Variants in SPATS2L observed in about 807,000 individuals in gnomAD.
SPATS2L encodes the protein spermatogenesis associated serine rich 2 like, also known as SPATS2-like protein.
A neutral mutation model predicts 59.6 loss-of-function variants in SPATS2L; 30 were observed. That is an observed-to-expected ratio of 0.50 (90% CI 0.38 to 0.68). SPATS2L has a LOEUF of 0.68. SPATS2L is among the 30% of genes least tolerant of loss of function. The pLI, the probability that SPATS2L is intolerant of heterozygous loss-of-function variation, is 0.00. For synonymous variants in SPATS2L, 252 were observed against 263.5 expected, an observed-to-expected ratio of 0.96 and a Z score of 0.42; for missense variants, 615 against 700.0, an observed-to-expected ratio of 0.88 and a Z score of 1.37.
chr2:200,434,147 A>T (rs573363504), intron 6 of SPATS2L, among the ~76,000 whole-genome samples: 11 of 152,136 alleles, frequency 7.2e-5, no homozygotes, highest in Admixed American at 2.0e-4. Context: ...TTTAACATTT[A>T]AAAAAATCAA....
At chr2:200,388,620 C>A (rs1004135629) in intron 2 of SPATS2L, among the ~76,000 whole-genome samples, 3 of 149,960 alleles carry the variant, frequency 2.0e-5, no homozygotes, top group Non-Finnish European at 4.4e-5. Context: ...ATGCCCCCCC[C>A]CCACCCAGAA....
intron 6 of SPATS2L, among the ~76,000 whole-genome samples, chr2:200,420,774 A>T (rs149284193): frequency 2.4e-3 from 368 of 152,270 alleles, no homozygotes; most frequent in African/African-American, 8.0e-3. Flanking sequence ...ATATTTTTTT[A>T]AAATCATGAA....
intron 1 of SPATS2L, chr2:200,309,026 G>A (rs11683753): frequency 1.4e-6 from 1 of 717,756 alleles, no homozygotes; most frequent in South Asian, 1.5e-5. Flanking sequence ...AAAATACTTA[G>A]GCCACACCGT....
intron 4 of SPATS2L, among the ~76,000 whole-genome samples, chr2:200,414,919 T>A (rs1346215210): frequency 1.3e-5 from 2 of 152,192 alleles, no homozygotes; most frequent in Admixed American, 6.5e-5. Flanking sequence ...GTGAAAGCAA[T>A]AAGCAACTCA....
At chr2:200,467,944 G>A (rs543419681) in intron 10 of SPATS2L, among the ~76,000 whole-genome samples, 9 of 152,168 alleles carry the variant, frequency 5.9e-5, no homozygotes, top group African/African-American at 2.2e-4. Flanking sequence ...TAACCTCAAG[G>A]ACAAGTAGAA....
At chr2:200,357,174 A>G (rs974734931) in intron 2 of SPATS2L, among the ~76,000 whole-genome samples, 1 of 152,182 alleles carries the variant, frequency 6.6e-6, no homozygotes, top group Admixed American at 6.5e-5. Context: ...CAGATGTTGA[A>G]TTCTGTTCAT....
intron 1 of SPATS2L, among the ~76,000 whole-genome samples, 153 bp downstream of exon 1, chr2:200,307,075 T>C (rs1182443963): frequency 1.3e-5 from 2 of 149,680 alleles, no homozygotes; most frequent in Non-Finnish European, 3.0e-5. Context: ...GAGCGCTGGG[T>C]GTGGCCCGCG....
chr2:200,413,002 G>A (rs2082936311), intron 4 of SPATS2L, among the ~76,000 whole-genome samples: 1 of 152,174 alleles, frequency 6.6e-6, no homozygotes, highest in Non-Finnish European at 1.5e-5. Flanking sequence ...GTTGCACTGA[G>A]CTGAGATCGC....
chr2:200,418,542 C>A (rs188638439), intron 5 of SPATS2L, among the ~76,000 whole-genome samples: 1 of 151,746 alleles, frequency 6.6e-6, no homozygotes, highest in East Asian at 1.9e-4. Flanking sequence ...CAACTGCATT[C>A]CAGCCTGGGC....
intron 2 of SPATS2L, among the ~76,000 whole-genome samples, chr2:200,362,216 G>C (rs537767551): frequency 2.6e-5 from 4 of 152,188 alleles, no homozygotes. Flanking sequence ...CCACTGCACT[G>C]TAGCCTGGAC....
Position 200,452,094 on chromosome 2 carries a change from G to T in SPATS2L, c.789-7675G>T, listed in dbSNP as rs550374882. On this transcript the variant is annotated intron_variant, in intron 8 of 12. Coordinates refer to ENST00000409140, the MANE Select transcript of SPATS2L (RefSeq NM_001100423.2). Reference sequence around the variant, plus strand: ...ATTATAGGCATGAGCCACCACGCCCGGCAGATGTAACTTTAAAAGGGGAAG... The same window carrying T: ...ATTATAGGCATGAGCCACCACGCCCTGCAGATGTAACTTTAAAAGGGGAAG... 3.0e-4 allele frequency among the ~76,000 whole-genome samples: 46 copies of T among 152,180 alleles called. No homozygotes were observed. In the South Asian group the frequency reaches 9.3e-3, roughly 31 times the overall value.
chr2:200,478,205 TTC>T lies in SPATS2L; in HGVS notation c.*175_*176del. On this transcript the variant is annotated 3_prime_UTR_variant, in exon 13 of 13. Coordinates refer to ENST00000409140, the MANE Select transcript of SPATS2L (RefSeq NM_001100423.2). Reference sequence around the variant, plus strand: ...ATCAGCTCTAGCTTGCTTCATAATTTTCATGGCTTTGCTTGATCTGTTGATGC... The same window carrying T: ...ATCAGCTCTAGCTTGCTTCATAATTTATGGCTTTGCTTGATCTGTTGATGC... The T allele has an allele frequency of 1.7e-6, 1 of 589,108 alleles. No homozygotes were observed. Among genetic ancestry groups the T allele is most frequent in the Non-Finnish European group, 2.6e-6 (1 of 381,952 alleles). The allele number at this position is 589,108 out of a possible 1,614,324, so 36.5% of individuals were successfully genotyped here. A position where few individuals can be genotyped will look rare whatever the true frequency, so the allele number is the denominator to read the frequency against.
At chr2:200,358,292 A>G (rs1269211044) in intron 2 of SPATS2L, among the ~76,000 whole-genome samples, 1 of 152,260 alleles carries the variant, frequency 6.6e-6, no homozygotes, top group African/African-American at 2.4e-5. Flanking sequence ...AAATGCAGGC[A>G]CATCATATAA....
intron 8 of SPATS2L, among the ~76,000 whole-genome samples, chr2:200,458,813 TG>T (rs2086039121): frequency 6.6e-6 from 1 of 152,184 alleles, no homozygotes; most frequent in African/African-American, 2.4e-5. Flanking sequence ...TTATTGTGAA[TG>T]TTTTATAGAT....
intron 3 of SPATS2L, among the ~76,000 whole-genome samples, chr2:200,398,459 T>G (rs2082422423): frequency 6.6e-6 from 1 of 152,204 alleles, no homozygotes; most frequent in South Asian, 2.1e-4. Context: ...AACCAAGTCA[T>G]ACTGTCACTA....
At chr2:200,476,693 T>G (rs1454162274) in intron 12 of SPATS2L, among the ~76,000 whole-genome samples, 1 of 152,254 alleles carries the variant, frequency 6.6e-6, no homozygotes, top group Non-Finnish European at 1.5e-5. Context: ...CCAGAGGGCA[T>G]GCGTTACAAT....
At chr2:200,332,386 A>G (rs996083947) in intron 2 of SPATS2L, among the ~76,000 whole-genome samples, 46 of 152,072 alleles carry the variant, frequency 3.0e-4, no homozygotes, top group Non-Finnish European at 4.7e-4. Flanking sequence ...CTGGGACCAC[A>G]GGTGCATGCC....
At chr2:200,306,683 G>A (rs1559024873), upstream of SPATS2L, 1 of 986,014 alleles carries the variant, frequency 1.0e-6, no homozygotes, top group Non-Finnish European at 1.2e-6. Context: ...GCGTGGGGCG[G>A]CCGAGCCGGA....
intron 8 of SPATS2L, among the ~76,000 whole-genome samples, chr2:200,446,966 T>G (rs2085090294): frequency 6.6e-6 from 1 of 152,202 alleles, no homozygotes; most frequent in African/African-American, 2.4e-5. Context: ...TGTAGAAAAT[T>G]GAAGGCTTTG....
Sources: allele counts gnomAD v4.1 joint callset (sites outside exome capture counted in the v4.1 genomes callset), GRCh38; gene constraint gnomAD v4.1.1; transcripts MANE v1.5; gene names NCBI Gene and HGNC (gene_info 2026-07-23, HGNC 2026-07-21).